Variants in MAN2A1 observed in about 807,000 individuals in gnomAD.
MAN2A1 encodes the protein alpha-mannosidase 2.
A neutral mutation model predicts 142.6 loss-of-function variants in MAN2A1; 76 were observed. The observed-to-expected ratio is 0.53, with a 90% CI of 0.44 to 0.65. The LOEUF (loss-of-function observed/expected upper bound fraction) is 0.65, where lower values mean the gene tolerates loss of function less well. Among genes scored for constraint, MAN2A1 ranks in the 30% least tolerant of loss-of-function variants. The pLI is 0.00. For synonymous variants in MAN2A1, 559 were observed against 473.2 expected, an observed-to-expected ratio of 1.18 and a Z score of -2.35; for missense variants, 1,311 against 1,365.1, an observed-to-expected ratio of 0.96 and a Z score of 0.62.
At chr5:109,706,078 C>G (rs1321969004) in intron 1 of MAN2A1, among the ~76,000 whole-genome samples, 1 of 152,202 alleles carries the variant, frequency 6.6e-6, no homozygotes, top group Non-Finnish European at 1.5e-5. Flanking sequence ...AAACATTATT[C>G]TGCTTACTGC....
At position 109,736,529 on chromosome 5, in the gene MAN2A1, T is replaced by G. The variant is rs191999595; in HGVS notation, c.707+7016T>G. 1.8e-4 allele frequency among the ~76,000 whole-genome samples: 27 copies of G among 152,160 alleles called. 1 individual carries two copies. The South Asian group carries it at 1.9e-3, about 11-fold the overall frequency. On this transcript the variant is annotated intron_variant, in intron 4 of 21. Coordinates refer to ENST00000261483, the MANE Select transcript of MAN2A1 (RefSeq NM_002372.4). The stretch of plus-strand genomic sequence containing the variant: ...AAGACCGGAACTCTAAAAAAAAAGT[T>G]TTTTTTAGGTCTTTAGGTGTTACCT...
At position 109,778,498 on chromosome 5, in the gene MAN2A1, A is replaced by G. The variant is rs866354760; in HGVS notation, c.1375-2898A>G. Among the ~76,000 whole-genome samples the G allele has an allele frequency of 1.4e-4, 22 of 152,236 alleles. No homozygotes were observed. In the South Asian group the frequency reaches 2.7e-3, roughly 19 times the overall value. On this transcript the variant is annotated intron_variant, in intron 8 of 21. Coordinates refer to ENST00000261483, the MANE Select transcript of MAN2A1 (RefSeq NM_002372.4). ...TAGAATTTTGTAGATTCCCTTTATCAGATTATGGAATTTTCCTTATATTCC... is the reference window on the plus strand; with the variant it reads ...TAGAATTTTGTAGATTCCCTTTATCGGATTATGGAATTTTCCTTATATTCC...
At chr5:109,837,895 G>A (rs1309854335) in intron 16 of MAN2A1, among the ~76,000 whole-genome samples, 1 of 152,028 alleles carries the variant, frequency 6.6e-6, no homozygotes, top group Non-Finnish European at 1.5e-5. Context: ...TCCCATGTCA[G>A]CTAACTTCTG....
At chr5:109,808,282 A>T (rs1462156843) in intron 12 of MAN2A1, among the ~76,000 whole-genome samples, 1 of 152,220 alleles carries the variant, frequency 6.6e-6, no homozygotes, top group Non-Finnish European at 1.5e-5. Flanking sequence ...TCTAATAAAC[A>T]CGTAACTTCC....
intron 12 of MAN2A1, among the ~76,000 whole-genome samples, chr5:109,792,556 A>T (rs538547072): frequency 7.2e-5 from 11 of 152,242 alleles, no homozygotes; most frequent in Non-Finnish European, 1.5e-4. Context: ...GTCTGACCTG[A>T]TGGTCAAATG....
chr5:109,847,545 T>TA, intron 18 of MAN2A1, 112 bp from the exon 19 acceptor site: 1 of 949,668 alleles, frequency 1.1e-6, no homozygotes, highest in African/African-American at 1.7e-5. Flanking sequence ...CCTCCTTGAC[T>TA]AGAGAGGAAA....
intron 4 of MAN2A1, among the ~76,000 whole-genome samples, chr5:109,747,501 A>AT (rs1027351119): frequency 3.3e-5 from 5 of 151,964 alleles, no homozygotes; most frequent in Non-Finnish European, 7.4e-5. Context: ...GATCTAGGTA[A>AT]TTTTTTAACT....
In MAN2A1 at chr5:109,729,326, T is replaced by A; in HGVS notation, c.536-16T>A. The stretch of plus-strand genomic sequence containing the variant: ...TACGAATTAGACCTTTGTGGTATAT[T>A]TGTGTCTTGATTTAGGTTGGTTGAA... On this transcript the variant is annotated splice_polypyrimidine_tract_variant and intron_variant, in intron 3 of 21. Coordinates refer to ENST00000261483, the MANE Select transcript of MAN2A1 (RefSeq NM_002372.4). 1 of 1,572,322 alleles carries A rather than the reference T, an allele frequency of 6.4e-7. No homozygotes were observed. Among genetic ancestry groups the A allele is most frequent in the Non-Finnish European group, 8.7e-7 (1 of 1,154,278 alleles).
chr5:109,737,743 A>G (rs1209707476), intron 4 of MAN2A1, among the ~76,000 whole-genome samples: 2 of 152,166 alleles, frequency 1.3e-5, no homozygotes, highest in African/African-American at 4.8e-5. Context: ...GAAACCTAAT[A>G]AAGATGCTAA....
chr5:109,698,341 A>T (rs1016291172), intron 1 of MAN2A1, among the ~76,000 whole-genome samples: 5 of 152,170 alleles, frequency 3.3e-5, no homozygotes, highest in Admixed American at 6.5e-5. Context: ...AGTTCTTGCT[A>T]ATTTTCATCA....
intron 15 of MAN2A1, among the ~76,000 whole-genome samples, chr5:109,820,634 C>A (rs1331093442): frequency 6.6e-6 from 1 of 152,056 alleles, no homozygotes; most frequent in Admixed American, 6.6e-5. Flanking sequence ...CATGGCAAAA[C>A]CCCTTTTCTA....
At chr5:109,732,657 A>G (rs1751950582) in intron 4 of MAN2A1, among the ~76,000 whole-genome samples, 2 of 152,178 alleles carry the variant, frequency 1.3e-5, no homozygotes, top group African/African-American at 4.8e-5. Context: ...AGGTTTGTCA[A>G]AGATCAGATA....
At chr5:109,697,121 C>T (rs1192915906) in intron 1 of MAN2A1, among the ~76,000 whole-genome samples, 1 of 152,136 alleles carries the variant, frequency 6.6e-6, no homozygotes, top group Non-Finnish European at 1.5e-5. Flanking sequence ...AGATTTATTC[C>T]TCTTAGCATA....
intron 4 of MAN2A1, among the ~76,000 whole-genome samples, chr5:109,749,432 T>C (rs1280597582): frequency 6.6e-6 from 1 of 152,182 alleles, no homozygotes; most frequent in African/African-American, 2.4e-5. Context: ...ATCATTGAAA[T>C]AGAAACATGG....
At chr5:109,766,702 TACAC>T (rs913975701) in intron 5 of MAN2A1, among the ~76,000 whole-genome samples, 3 of 152,056 alleles carry the variant, frequency 2.0e-5, no homozygotes, top group African/African-American at 7.2e-5. Flanking sequence ...TGAAAAAAAA[TACAC>T]ACAGCAATAT....
chr5:109,795,390 A>G (rs1313635832), intron 12 of MAN2A1, among the ~76,000 whole-genome samples: 1 of 152,150 alleles, frequency 6.6e-6, no homozygotes, highest in Non-Finnish European at 1.5e-5. Flanking sequence ...AACATCTATT[A>G]TATTAAAAAA....
chr5:109,855,060 A>C, intron 19 of MAN2A1, 80 bp from the exon 20 acceptor site: 2 of 644,370 alleles, frequency 3.1e-6, no homozygotes, highest in South Asian at 8.1e-5. Flanking sequence ...TTTTTATATT[A>C]AACCCTCTCA....
intron 4 of MAN2A1, among the ~76,000 whole-genome samples, chr5:109,732,900 A>G (rs1205279091): frequency 5.9e-5 from 9 of 151,788 alleles, no homozygotes; most frequent in African/African-American, 2.2e-4. Flanking sequence ...TTCTGTGAAG[A>G]AAATCATTGG....
chr5:109,863,280 G>T (rs903088794), intron 20 of MAN2A1: 1 of 152,242 alleles, frequency 6.6e-6, no homozygotes, highest in African/African-American at 2.4e-5. Context: ...TAGCTACAAA[G>T]TTGTAATGTC....
Sources: gnomAD v4.1 joint callset for allele counts (sites outside exome capture counted in the v4.1 genomes callset) on GRCh38, gnomAD v4.1.1 for gene constraint, MANE v1.5 for transcripts, NCBI Gene and HGNC (gene_info 2026-07-23, HGNC 2026-07-21) for gene names.